Variants in RUNX1 observed in about 807,000 individuals in gnomAD.
RUNX1 encodes RUNX family transcription factor 1.
A neutral mutation model predicts 42.8 loss-of-function variants in RUNX1; 19 were observed. The ratio of observed to expected loss-of-function variants is 0.44; its 90% CI spans 0.31 to 0.65. The LOEUF is 0.65. RUNX1 is among the 30% of genes least tolerant of loss of function. The pLI is 0.07. For missense variants in RUNX1, 528 were observed against 672.0 expected, an observed-to-expected ratio of 0.79 and a Z score of 2.37; for synonymous variants, 271 against 289.4, an observed-to-expected ratio of 0.94 and a Z score of 0.64.
At chr21:34,970,505 T>A (rs2058756077) in intron 2 of RUNX1, among the ~76,000 whole-genome samples, 1 of 152,242 alleles carries the variant, frequency 6.6e-6, no homozygotes, top group Admixed American at 6.5e-5. Context: ...GTTTTAAGAT[T>A]GGCCTTTGCC....
intron 2 of RUNX1, among the ~76,000 whole-genome samples, chr21:35,022,910 T>TAAC (rs2059209900): frequency 6.7e-6 from 1 of 149,946 alleles, no homozygotes; most frequent in Non-Finnish European, 1.5e-5. Context: ...ATAATAATAA[T>TAAC]AATAATAATA....
chr21:35,038,571 GCCTCTC>G (rs2059328013), intron 2 of RUNX1: 1 of 395,054 alleles, frequency 2.5e-6, no homozygotes, highest in African/African-American at 3.1e-5. Context: ...TTGAATGCTG[GCCTCTC>G]TCTCTCTCTC....
intron 6 of RUNX1, among the ~76,000 whole-genome samples, chr21:34,850,946 T>G (rs1253865536): frequency 6.6e-6 from 1 of 152,216 alleles, no homozygotes; most frequent in South Asian, 2.1e-4. Flanking sequence ...ATGTATTGTG[T>G]GCCAGGCATG....
At chr21:34,987,293 G>C (rs560875068) in intron 2 of RUNX1, among the ~76,000 whole-genome samples, 3 of 152,182 alleles carry the variant, frequency 2.0e-5, no homozygotes, top group Admixed American at 6.5e-5. Flanking sequence ...GCAAGAACAG[G>C]AGCATGTAGC....
intron 2 of RUNX1, among the ~76,000 whole-genome samples, chr21:34,912,863 G>T (rs1047866399): frequency 1.3e-5 from 2 of 152,240 alleles, no homozygotes; most frequent in Non-Finnish European, 2.9e-5. Context: ...GTGGGGAGAA[G>T]CCCCTGGCCT....
chr21:34,891,035 G>T (rs1013621802), intron 3 of RUNX1, among the ~76,000 whole-genome samples: 2 of 152,064 alleles, frequency 1.3e-5, no homozygotes, highest in Non-Finnish European at 2.9e-5. Context: ...TAGCAGACTC[G>T]GGTGATTTGC....
chr21:35,013,194 A>G (rs2059137664), intron 2 of RUNX1, among the ~76,000 whole-genome samples: 1 of 152,210 alleles, frequency 6.6e-6, no homozygotes, highest in African/African-American at 2.4e-5. Flanking sequence ...AGCCATTGGT[A>G]CCTGTAAGTA....
intron 5 of RUNX1, among the ~76,000 whole-genome samples, chr21:34,872,975 T>C (rs969052215): frequency 2.0e-5 from 3 of 152,186 alleles, no homozygotes; most frequent in African/African-American, 7.2e-5. Context: ...TGGTTTCAGA[T>C]AGAATAATGA....
chr21:34,812,104 G>A (rs938696897), intron 7 of RUNX1, among the ~76,000 whole-genome samples: 1 of 152,100 alleles, frequency 6.6e-6, no homozygotes, highest in African/African-American at 2.4e-5. Context: ...CCCTCATTTG[G>A]TGACAAGTTC....
At chr21:34,954,449 G>A (rs1052170951) in intron 2 of RUNX1, among the ~76,000 whole-genome samples, 2 of 152,106 alleles carry the variant, frequency 1.3e-5, no homozygotes, top group Non-Finnish European at 2.9e-5. Flanking sequence ...AAGAATTAGG[G>A]CTCCAACCCC....
At chr21:35,031,642 T>G (rs991034532) in intron 2 of RUNX1, among the ~76,000 whole-genome samples, 1 of 151,968 alleles carries the variant, frequency 6.6e-6, no homozygotes, top group Non-Finnish European at 1.5e-5. Context: ...GATGAATGAA[T>G]AAAGAAACTG....
chr21:34,995,236 TCTCTGACCCTTTCAG>T (rs2058984998), intron 2 of RUNX1, among the ~76,000 whole-genome samples: 2 of 152,250 alleles, frequency 1.3e-5, no homozygotes, highest in Non-Finnish European at 1.5e-5. Context: ...CCCAGCAGAC[TCTCTGACCCTTTCAG>T]CTCTGACCAC....
At chr21:34,933,929 C>T (rs2058466204) in intron 2 of RUNX1, among the ~76,000 whole-genome samples, 1 of 152,202 alleles carries the variant, frequency 6.6e-6, no homozygotes, top group Non-Finnish European at 1.5e-5. Context: ...TTGGCCAGAA[C>T]TTAGAGATGC....
chr21:34,830,573 G>A (rs1467806439), intron 7 of RUNX1, among the ~76,000 whole-genome samples: 1 of 152,120 alleles, frequency 6.6e-6, no homozygotes, highest in African/African-American at 2.4e-5. Flanking sequence ...GTAGTAAATC[G>A]ATCCTTGACC....
intron 5 of RUNX1, among the ~76,000 whole-genome samples, chr21:34,863,703 T>C (rs576337352): frequency 2.4e-4 from 37 of 152,020 alleles, no homozygotes; most frequent in Middle Eastern, 3.4e-3. Context: ...TACATGTGCA[T>C]ACCACCACAC....
chr21:34,985,462 C>A (rs1420417903), intron 2 of RUNX1, among the ~76,000 whole-genome samples: 2 of 152,188 alleles, frequency 1.3e-5, no homozygotes, highest in Admixed American at 1.3e-4. Context: ...GGAGTAGAAG[C>A]TGTGGATGGA....
chr21:34,908,131 C>T (rs1341936044), intron 2 of RUNX1, among the ~76,000 whole-genome samples: 1 of 152,176 alleles, frequency 6.6e-6, no homozygotes, highest in Non-Finnish European at 1.5e-5. Context: ...TGGATTTCTT[C>T]CCTTTCAAAG....
At chr21:34,976,896 C>T (rs1239169807) in intron 2 of RUNX1, among the ~76,000 whole-genome samples, 4 of 152,058 alleles carry the variant, frequency 2.6e-5, no homozygotes. Flanking sequence ...TCTCACAAAA[C>T]ATAGCAGTGT....
intron 2 of RUNX1, among the ~76,000 whole-genome samples, chr21:35,048,428 G>T (rs1329594461): frequency 1.3e-5 from 2 of 152,218 alleles, no homozygotes; most frequent in African/African-American, 4.8e-5. Context: ...AAGCCCCAGG[G>T]CAGGCTGCAT....
Sources: allele counts gnomAD v4.1 joint callset (sites outside exome capture counted in the v4.1 genomes callset), GRCh38; gene constraint gnomAD v4.1.1; transcripts MANE v1.5; gene names NCBI Gene and HGNC (gene_info 2026-07-23, HGNC 2026-07-21).